The following MIER2 variants were observed in gnomAD, a reference collection of about 807,000 sequenced individuals.
MIER2 encodes the protein mesoderm induction early response protein 2.
Under a neutral mutation model 67.6 loss-of-function variants are expected in MIER2, and 30 were observed. The observed-to-expected ratio is 0.44, with a 90% confidence interval of 0.33 to 0.60. MIER2 has a LOEUF of 0.60. Ranked by LOEUF, MIER2 falls within the 20% of genes least tolerant of loss-of-function variation. The pLI is 0.02. For missense variants in MIER2, 702 were observed against 745.1 expected (o/e 0.94, Z 0.67); for synonymous variants, 372 against 312.6 (o/e 1.19, Z -2.00).
intron 7 of MIER2, among the ~76,000 whole-genome samples, chr19:317,519 T>A (rs8100510): frequency 0.47 from 71,145 of 150,228 alleles, 19,573 homozygotes; most frequent in African/African-American, 0.75. Flanking sequence ...AAAGCGAGAC[T>A]CTGTCTCAGA....
intron 7 of MIER2, among the ~76,000 whole-genome samples, chr19:319,950 T>A (rs953638486): frequency 1.3e-5 from 2 of 152,126 alleles, no homozygotes; most frequent in African/African-American, 4.8e-5. Flanking sequence ...AGGGAAGGGA[T>A]TAAATACGTA....
intron 7 of MIER2, among the ~76,000 whole-genome samples, chr19:316,691 G>A (rs1271892093): frequency 1.3e-5 from 2 of 152,308 alleles, no homozygotes; most frequent in East Asian, 1.9e-4. Flanking sequence ...ATTTCAAGCT[G>A]TGAGGCCCGG....
intron 1 of MIER2, chr19:344,506 GGCCCCCGCCCGCCCCGC>G (rs1170023519): frequency 4.6e-6 from 2 of 439,270 alleles, no homozygotes; most frequent in Non-Finnish European, 6.0e-6. Flanking sequence ...CCCCCACCCC[GGCCCCCGCCCGCCCCGC>G]GCCGCCGCGC....
chr19:316,448 C>A (rs1490589491), intron 7 of MIER2, among the ~76,000 whole-genome samples: 2 of 151,966 alleles, frequency 1.3e-5, no homozygotes, highest in South Asian at 2.1e-4. Flanking sequence ...GCCCACCACG[C>A]CTGGCTAATT....
intron 7 of MIER2, among the ~76,000 whole-genome samples, chr19:321,020 G>A (rs1024179347): frequency 1.1e-4 from 17 of 152,196 alleles, no homozygotes; most frequent in African/African-American, 3.4e-4. Flanking sequence ...TGTGAAAAAC[G>A]GCATTCAGTA....
At position 336,221 on chromosome 19, in the gene MIER2, T is replaced by C. The variant is rs749145231; in HGVS notation, c.10-48A>G. The C allele has an allele frequency of 1.1e-5, 17 of 1,491,426 alleles. No homozygotes were observed. The South Asian group carries it at 1.7e-4, about 15-fold the overall frequency. 92.4% of individuals were successfully genotyped at this position (1,491,426 alleles called of 1,614,324 possible). On this transcript the variant is annotated intron_variant, in intron 1 of 13. Transcript: ENST00000264819. ...TTAGCTCGGCCGGCCCAAAACCTGC[T>C]GCTGGACATCACAGTGTGGCAGCCA...
chr19:340,092 C>G (rs959878400), intron 1 of MIER2, among the ~76,000 whole-genome samples: 2 of 152,182 alleles, frequency 1.3e-5, no homozygotes, highest in African/African-American at 2.4e-5. Flanking sequence ...AAAAACCTCA[C>G]AGGTGGTATA....
chr19:312,105 G>A, intron 9 of MIER2, 86 bp downstream of exon 9: 1 of 1,178,228 alleles, frequency 8.5e-7, no homozygotes, highest in Admixed American at 2.1e-5. Flanking sequence ...CGGGGCCGCA[G>A]CGGAAGGAAG....
intron 6 of MIER2, among the ~76,000 whole-genome samples, 195 bp downstream of exon 6, chr19:326,312 G>A (rs1181625692): frequency 2.0e-5 from 3 of 150,372 alleles, no homozygotes; most frequent in South Asian, 4.2e-4. Flanking sequence ...TTGGGGACAC[G>A]GCAGAGCCAC....
intron 1 of MIER2, among the ~76,000 whole-genome samples, chr19:341,777 G>C (rs966940329): frequency 6.6e-6 from 1 of 152,166 alleles, no homozygotes; most frequent in African/African-American, 2.4e-5. Context: ...AGCAAAGGAA[G>C]CGTAAACAGC....
Position 307,542 on chromosome 19 carries a change from A to G in MIER2, c.1199-6T>C. ...GCCATCCACGCTCAGTGGATCTGTG[A>G]AAGAGAACGCAACAGAGGGTGGGGC... On this transcript the variant is annotated splice_polypyrimidine_tract_variant and splice_region_variant and intron_variant, in intron 12 of 13. Coordinates refer to ENST00000264819, the MANE Select transcript of MIER2 (RefSeq NM_017550.3). 1 of 1,498,414 alleles carries G rather than the reference A, an allele frequency of 6.7e-7. No individual in the cohort carries two copies. Among genetic ancestry groups the G allele is most frequent in the Middle Eastern group, 1.8e-4 (1 of 5,578 alleles). The allele number at this position is 1,498,414 out of a possible 1,614,324, so 92.8% of individuals were successfully genotyped here. A position where few individuals can be genotyped will look rare whatever the true frequency, so the allele number is the denominator to read the frequency against.
At chr19:325,201 G>C (rs1885582238) in intron 7 of MIER2, among the ~76,000 whole-genome samples, 1 of 152,262 alleles carries the variant, frequency 6.6e-6, no homozygotes, top group Non-Finnish European at 1.5e-5. Context: ...AAGAGACGAA[G>C]GTCAAGCCCA....
At chr19:340,754 C>G (rs1335609753) in intron 1 of MIER2, among the ~76,000 whole-genome samples, 1 of 152,202 alleles carries the variant, frequency 6.6e-6, no homozygotes, top group Non-Finnish European at 1.5e-5. Context: ...TGGAGTGACT[C>G]TGGCAACAAG....
intron 10 of MIER2, among the ~76,000 whole-genome samples, chr19:309,377 C>G (rs547829801): frequency 4.8e-4 from 73 of 152,262 alleles, no homozygotes; most frequent in African/African-American, 1.7e-3. Flanking sequence ...GAGCCCCTTC[C>G]CCGGGAGGAA....
chr19:327,260 T>TAAAAAAA lies in MIER2; in HGVS notation c.370-11_370-5dup. 2 of 1,461,682 alleles carry TAAAAAAA rather than the reference T, an allele frequency of 1.4e-6. No individual in the cohort carries two copies. Among genetic ancestry groups the TAAAAAAA allele is most frequent in the African/African-American group, 1.5e-5 (1 of 65,554 alleles). The allele number at this position is 1,461,682 out of a possible 1,614,324, so 90.5% of individuals were successfully genotyped here. A position where few individuals can be genotyped will look rare whatever the true frequency, so the allele number is the denominator to read the frequency against. On this transcript the variant is annotated splice_region_variant and splice_polypyrimidine_tract_variant and intron_variant, in intron 4 of 13. Coordinates refer to ENST00000264819, the MANE Select transcript of MIER2 (RefSeq NM_017550.3). ...GCAAATCCTTCGCTATTTGTTCCTT[T>TAAAAAAA]AAAAAAAAAAAAAAAAGTAAAGAAC...
At chr19:344,499 C>T (rs1001306342) in intron 1 of MIER2, 10 of 469,748 alleles carry the variant, frequency 2.1e-5, no homozygotes, top group Non-Finnish European at 2.8e-5. Context: ...CTCCCCTCCC[C>T]CACCCCGGCC....
chr19:327,359 C>G, intron 4 of MIER2, 103 bp from the exon 5 acceptor site: 1 of 1,372,484 alleles, frequency 7.3e-7, no homozygotes, highest in Non-Finnish European at 9.9e-7. Context: ...CCCTGAGGCT[C>G]ACATGGGGCT....
rs1454977289 is a variant in MIER2 at position 318,247 on chromosome 19, A to G, written c.656-4604T>C. On this transcript the variant is annotated intron_variant, in intron 7 of 13. Transcript: ENST00000264819. ...AAATACACTTCAAATATAGGAATCT[A>G]GAATGGAAAAAAGAATGGGAAAAAA... Among the ~76,000 whole-genome samples the G allele has an allele frequency of 2.0e-5, 3 of 152,206 alleles. No homozygotes were observed. The South Asian group carries it at 6.2e-4, about 31-fold the overall frequency.
chr19:336,183 A>G lies in MIER2; in HGVS notation c.10-10T>C. On this transcript the variant is annotated splice_polypyrimidine_tract_variant and intron_variant, in intron 1 of 13. Transcript: ENST00000264819. The stretch of plus-strand genomic sequence containing the variant: ...TCCCCAGCGAGGAGGCCTGCGAAGG[A>G]AGAGAGGCAGGGTTAGCTCGGCCGG... The G allele has an allele frequency of 2.5e-6, 4 of 1,611,284 alleles. No homozygotes were observed. The highest frequency in any genetic ancestry group is 3.4e-6 in the Non-Finnish European group (4 of 1,178,330).
Sources: gnomAD v4.1 joint callset for allele counts (sites outside exome capture counted in the v4.1 genomes callset) on GRCh38, gnomAD v4.1.1 for gene constraint, MANE v1.5 for transcripts, NCBI Gene and HGNC (gene_info 2026-07-23, HGNC 2026-07-21) for gene names.